Variants in NEMF observed in about 807,000 individuals in gnomAD.
The protein encoded by NEMF is ribosome quality control complex subunit NEMF.
NEMF carries 89 observed loss-of-function variants against 162.2 expected under a neutral mutation model. That is an observed-to-expected ratio of 0.55 (90% CI 0.46 to 0.65). The LOEUF (loss-of-function observed/expected upper bound fraction) is 0.65, where lower values mean the gene tolerates loss of function less well. Among genes scored for constraint, NEMF ranks in the 30% least tolerant of loss-of-function variants. The pLI, the probability that NEMF is intolerant of heterozygous loss-of-function variation, is 0.00. For synonymous variants in NEMF, 421 were observed against 404.5 expected (o/e 1.04, Z -0.49); for missense variants, 1,133 against 1,261.9 (o/e 0.90, Z 1.55).
intron 28 of NEMF, 54 bp downstream of exon 28, chr14:49,789,092 C>G: frequency 1.4e-6 from 2 of 1,457,316 alleles, no homozygotes; most frequent in Non-Finnish European, 1.9e-6. Context: ...CCTGGGAACT[C>G]CAGGATGGGT....
intron 26 of NEMF, among the ~76,000 whole-genome samples, chr14:49,794,877 C>A (rs1017199344): frequency 6.6e-6 from 1 of 151,994 alleles, no homozygotes; most frequent in South Asian, 2.1e-4. Flanking sequence ...TACCACCATG[C>A]CTGGCTAATT....
intron 4 of NEMF, among the ~76,000 whole-genome samples, chr14:49,844,493 T>C (rs1203304905): frequency 6.6e-6 from 1 of 152,072 alleles, no homozygotes; most frequent in Non-Finnish European, 1.5e-5. Context: ...AACACCTGTA[T>C]AGGGCACTTA....
intron 15 of NEMF, 61 bp from the exon 16 acceptor site, chr14:49,826,016 G>T: frequency 8.8e-7 from 1 of 1,141,682 alleles, no homozygotes; most frequent in Non-Finnish European, 1.3e-6. Flanking sequence ...TAACACCAAA[G>T]TAAATAATGG....
intron 4 of NEMF, among the ~76,000 whole-genome samples, chr14:49,843,679 C>A (rs549101274): frequency 6.6e-6 from 1 of 152,306 alleles, no homozygotes; most frequent in South Asian, 2.1e-4. Flanking sequence ...TAACCTATTG[C>A]TCCTAGGCTA....
intron 22 of NEMF, among the ~76,000 whole-genome samples, chr14:49,802,176 A>G (rs1890986016): frequency 6.6e-6 from 1 of 151,708 alleles, no homozygotes; most frequent in African/African-American, 2.4e-5. Flanking sequence ...CAAACTCCTG[A>G]GCTCTAGCAA....
intron 26 of NEMF, among the ~76,000 whole-genome samples, chr14:49,794,339 T>C (rs1184932976): frequency 6.6e-6 from 1 of 152,210 alleles, no homozygotes; most frequent in Non-Finnish European, 1.5e-5. Flanking sequence ...ATTTATATTT[T>C]TATTAGGTTG....
intron 11 of NEMF, among the ~76,000 whole-genome samples, chr14:49,830,608 C>G (rs1208817843): frequency 2.0e-5 from 3 of 152,244 alleles, no homozygotes; most frequent in African/African-American, 7.2e-5. Flanking sequence ...TGTTCTTGAA[C>G]TCCTGACCTC....
At chr14:49,786,531 C>G (rs1890187379) in intron 29 of NEMF, 187 bp downstream of exon 29, 1 of 584,652 alleles carries the variant, frequency 1.7e-6, no homozygotes, top group South Asian at 2.3e-5. Flanking sequence ...GAAACTGAGG[C>G]ACAAAGAATG....
chr14:49,846,449 C>G (rs1893506855), intron 3 of NEMF, among the ~76,000 whole-genome samples, 184 bp from the exon 4 acceptor site: 1 of 152,168 alleles, frequency 6.6e-6, no homozygotes, highest in South Asian at 2.1e-4. Flanking sequence ...ATTATAAACA[C>G]TAACTCTGAA....
At chr14:49,796,474 A>T (rs1890696330) in intron 25 of NEMF, 4 of 246,428 alleles carry the variant, frequency 1.6e-5, no homozygotes, top group Admixed American at 5.2e-5. Context: ...CATACTCTGA[A>T]TTTTTTTTTT....
chr14:49,818,103 T>C lies in NEMF; in HGVS notation c.1578-3246A>G, dbSNP rs867112514. On this transcript the variant is annotated intron_variant, in intron 16 of 32. Transcript: ENST00000298310. ...ATGAGACTTTTTTTTTTTTTTTTTT[T>C]CCGAGACAGAGTCTCGCACTGTCAC... Among the ~76,000 whole-genome samples, 126 of 146,536 alleles carry C rather than the reference T, an allele frequency of 8.6e-4. No individual in the cohort carries two copies. In the Middle Eastern group the frequency reaches 0.01, roughly 12 times the overall value.
At chr14:49,844,568 C>T (rs1217603180) in intron 4 of NEMF, among the ~76,000 whole-genome samples, 1 of 151,996 alleles carries the variant, frequency 6.6e-6, no homozygotes, top group African/African-American at 2.4e-5. Context: ...AATGTGAAGG[C>T]CTGGGACATT....
intron 16 of NEMF, among the ~76,000 whole-genome samples, chr14:49,816,446 C>T (rs929894148): frequency 1.3e-5 from 2 of 152,190 alleles, no homozygotes; most frequent in Admixed American, 6.5e-5. Flanking sequence ...AGCATGTGAT[C>T]TTTGTGACCT....
At chr14:49,814,915 C>A in intron 16 of NEMF, 58 bp from the exon 17 acceptor site, 1 of 969,326 alleles carries the variant, frequency 1.0e-6, no homozygotes, top group Non-Finnish European at 1.6e-6. Context: ...AATTCATACC[C>A]TTTTTGCAAA....
chr14:49,837,135 G>C (rs1454486732), intron 6 of NEMF, among the ~76,000 whole-genome samples: 3 of 152,070 alleles, frequency 2.0e-5, no homozygotes, highest in Non-Finnish European at 4.4e-5. Flanking sequence ...AATTAGCTGA[G>C]CGTGGTGGCA....
At chr14:49,813,124 T>C (rs886383868) in intron 18 of NEMF, among the ~76,000 whole-genome samples, 2 of 152,162 alleles carry the variant, frequency 1.3e-5, no homozygotes, top group African/African-American at 2.4e-5. Context: ...GAATATTTCA[T>C]GTGCACTTAA....
At chr14:49,822,036 G>A (rs1363190796) in intron 16 of NEMF, among the ~76,000 whole-genome samples, 1 of 152,026 alleles carries the variant, frequency 6.6e-6, no homozygotes, top group Non-Finnish European at 1.5e-5. Context: ...TCTGAAACAT[G>A]TGCTGTGTCC....
At position 49,802,649 on chromosome 14, in the gene NEMF, AC is replaced by A. The variant is rs952167738; in HGVS notation, c.1974+19del. On this transcript the variant is annotated intron_variant, in intron 21 of 32. Coordinates refer to ENST00000298310, the MANE Select transcript of NEMF (RefSeq NM_004713.6). The stretch of plus-strand genomic sequence containing the variant: ...AAATCAGGAAAAAAACAAATAAATA[AC>A]CAAGAAGTTGAAGAGTACCTTAAAA... The A allele has an allele frequency of 1.2e-6, 2 of 1,610,672 alleles. No individual in the cohort carries two copies. The highest frequency in any genetic ancestry group is 2.7e-5 in the African/African-American group (2 of 74,612).
chr14:49,831,209 T>G, intron 11 of NEMF, 90 bp downstream of exon 11: 1 of 732,824 alleles, frequency 1.4e-6, no homozygotes, highest in Non-Finnish European at 2.4e-6. Context: ...CTTCTTACAC[T>G]CTTTCTGAAA....
Sources: allele counts gnomAD v4.1 joint callset (sites outside exome capture counted in the v4.1 genomes callset), GRCh38; gene constraint gnomAD v4.1.1; transcripts MANE v1.5; gene names NCBI Gene and HGNC (gene_info 2026-07-23, HGNC 2026-07-21).